The following MAP3K7 variants were observed in gnomAD, a reference collection of about 807,000 sequenced individuals.
MAP3K7 encodes TGF-beta activated kinase 1.
In MAP3K7, 21 loss-of-function variants were observed where a neutral mutation model predicts 84.8. That is an observed-to-expected ratio of 0.25 (90% CI 0.18 to 0.36). The LOEUF (loss-of-function observed/expected upper bound fraction) is 0.36. Ranked by LOEUF, MAP3K7 falls within the 10% of genes least tolerant of loss-of-function variation. MAP3K7 has a pLI of 1.00. For synonymous variants in MAP3K7, 241 were observed against 247.7 expected (o/e 0.97, Z 0.25); for missense variants, 503 against 747.7 (o/e 0.67, Z 3.82).
intron 12 of MAP3K7, chr6:90,542,114 AAAAC>A (rs1206297659): frequency 1.6e-4 from 66 of 421,022 alleles, no homozygotes; most frequent in African/African-American, 1.3e-3. Flanking sequence ...CACTTAGAAC[AAAAC>A]AATTTCTAGA....
At chr6:90,578,025 T>A (rs778856423) in intron 1 of MAP3K7, among the ~76,000 whole-genome samples, 1 of 152,150 alleles carries the variant, frequency 6.6e-6, no homozygotes, top group Non-Finnish European at 1.5e-5. Context: ...GGAAAATCCT[T>A]ATGGGGGAAG....
intron 7 of MAP3K7, among the ~76,000 whole-genome samples, chr6:90,553,133 T>G (rs1294172240): frequency 6.6e-6 from 1 of 152,184 alleles, no homozygotes; most frequent in Non-Finnish European, 1.5e-5. Context: ...GTATGTATTT[T>G]TTTATTTTTT....
chr6:90,535,351 AAC>A (rs976131094), intron 13 of MAP3K7, among the ~76,000 whole-genome samples: 6 of 151,902 alleles, frequency 3.9e-5, no homozygotes, highest in Non-Finnish European at 8.8e-5. Context: ...CATAAATTAC[AAC>A]AGATTGTTTA....
intron 7 of MAP3K7, among the ~76,000 whole-genome samples, chr6:90,552,556 T>C (rs944192425): frequency 6.6e-6 from 1 of 152,184 alleles, no homozygotes; most frequent in African/African-American, 2.4e-5. Context: ...CCTAAATAAT[T>C]AGGCAGACAT....
chr6:90,586,431 G>A (rs1205625351), intron 1 of MAP3K7, among the ~76,000 whole-genome samples: 1 of 148,302 alleles, frequency 6.7e-6, no homozygotes, highest in Non-Finnish European at 1.5e-5. Context: ...TGAAACTCCA[G>A]AACGGCTACG....
intron 13 of MAP3K7, among the ~76,000 whole-genome samples, chr6:90,531,433 TA>T (rs1282584743): frequency 2.6e-5 from 4 of 152,192 alleles, no homozygotes; most frequent in African/African-American, 9.6e-5. Flanking sequence ...ATCTCAATAA[TA>T]TAAATATTTT....
intron 12 of MAP3K7, among the ~76,000 whole-genome samples, chr6:90,538,467 A>C (rs1283310834): frequency 6.6e-6 from 1 of 151,960 alleles, no homozygotes; most frequent in African/African-American, 2.4e-5. Flanking sequence ...AGAAATGAGG[A>C]CAGCATGATG....
chr6:90,548,820 AAAGT>A (rs1217604360), intron 9 of MAP3K7, among the ~76,000 whole-genome samples: 1 of 151,104 alleles, frequency 6.6e-6, no homozygotes, highest in African/African-American at 2.4e-5. Flanking sequence ...CCAACTGAAG[AAAGT>A]GCTGTCTGTA....
chr6:90,580,789 A>T (rs997234531), intron 1 of MAP3K7, among the ~76,000 whole-genome samples: 2 of 152,240 alleles, frequency 1.3e-5, no homozygotes, highest in Admixed American at 1.3e-4. Context: ...TGTAAAAAAC[A>T]GAGGAATGCA....
chr6:90,520,296 T>A (rs967117422), intron 14 of MAP3K7, among the ~76,000 whole-genome samples: 1 of 152,044 alleles, frequency 6.6e-6, no homozygotes, highest in Admixed American at 6.6e-5. Flanking sequence ...GCAGACGCAC[T>A]GTATGCAATC....
chr6:90,543,592 A>G (rs1019379894), intron 12 of MAP3K7, among the ~76,000 whole-genome samples: 2 of 152,076 alleles, frequency 1.3e-5, no homozygotes, highest in African/African-American at 2.4e-5. Flanking sequence ...TAGAGGAGAA[A>G]ATAACCATTA....
chr6:90,531,151 C>T (rs1291089112), intron 13 of MAP3K7, among the ~76,000 whole-genome samples: 1 of 151,994 alleles, frequency 6.6e-6, no homozygotes, highest in South Asian at 2.1e-4. Context: ...TAGACATGAA[C>T]CAGAATTGGC....
At chr6:90,564,758 A>G (rs1375619720) in intron 3 of MAP3K7, among the ~76,000 whole-genome samples, 1 of 152,244 alleles carries the variant, frequency 6.6e-6, no homozygotes, top group Non-Finnish European at 1.5e-5. Context: ...CCAAATCAAC[A>G]GAATACACAT....
chr6:90,524,532 A>G (rs1009249695), intron 13 of MAP3K7, among the ~76,000 whole-genome samples: 2 of 152,234 alleles, frequency 1.3e-5, no homozygotes, highest in African/African-American at 4.8e-5. Flanking sequence ...GTGCTGAAAA[A>G]TAACTGCCAG....
chr6:90,547,110 C>A, intron 11 of MAP3K7, 148 bp downstream of exon 11: 1 of 754,654 alleles, frequency 1.3e-6, no homozygotes, highest in Non-Finnish European at 2.0e-6. Flanking sequence ...TAAACTATTG[C>A]TAGTAACTTA....
At chr6:90,568,661 C>T (rs557760339) in intron 2 of MAP3K7, 38 bp from the exon 3 acceptor site, 1 of 1,452,884 alleles carries the variant, frequency 6.9e-7, no homozygotes, top group African/African-American at 1.4e-5. Flanking sequence ...AAAGTGATAA[C>T]TTTTGAAGTA....
intron 1 of MAP3K7, among the ~76,000 whole-genome samples, chr6:90,572,479 A>C (rs553649581): frequency 1.3e-5 from 2 of 152,198 alleles, no homozygotes; most frequent in South Asian, 4.2e-4. Flanking sequence ...CAGAAAAGGC[A>C]AATCTATAGA....
intron 12 of MAP3K7, among the ~76,000 whole-genome samples, chr6:90,539,422 A>C (rs1460314535): frequency 1.2e-4 from 18 of 151,900 alleles, no homozygotes; most frequent in Admixed American, 1.2e-3. Context: ...AGTACAGTAC[A>C]TCTTAGTATA....
chr6:90,579,194 G>T (rs962707935), intron 1 of MAP3K7, among the ~76,000 whole-genome samples: 1 of 152,276 alleles, frequency 6.6e-6, no homozygotes, highest in Middle Eastern at 3.4e-3. Context: ...CTTTTCAAAA[G>T]ATTATATTCG....
Sources: allele counts gnomAD v4.1 joint callset (sites outside exome capture counted in the v4.1 genomes callset), GRCh38; gene constraint gnomAD v4.1.1; transcripts MANE v1.5; gene names NCBI Gene and HGNC (gene_info 2026-07-23, HGNC 2026-07-21).